DLG2: variants seen among roughly 807,000 people sequenced by gnomAD.
DLG2 encodes disks large homolog 2.
A neutral mutation model predicts 132.5 loss-of-function variants in DLG2; 45 were observed. The ratio of observed to expected loss-of-function variants is 0.34; its 90% CI spans 0.27 to 0.44. The LOEUF (loss-of-function observed/expected upper bound fraction) is 0.44, where lower values mean the gene tolerates loss of function less well. Among genes scored for constraint, DLG2 ranks in the 20% least tolerant of loss-of-function variants. The pLI is 1.00. For synonymous variants in DLG2, 424 were observed against 419.6 expected, an observed-to-expected ratio of 1.01 and a Z score of -0.13; for missense variants, 1,045 against 1,196.9, an observed-to-expected ratio of 0.87 and a Z score of 1.87.
chr11:84,540,859 C>A (rs1444334412), intron 6 of DLG2, among the ~76,000 whole-genome samples: 1 of 152,054 alleles, frequency 6.6e-6, no homozygotes, highest in African/African-American at 2.4e-5. Context: ...TACTATGCAG[C>A]CATAAAAAAG....
chr11:84,045,522 C>A (rs1252704582), intron 11 of DLG2, among the ~76,000 whole-genome samples: 2 of 151,642 alleles, frequency 1.3e-5, no homozygotes, highest in African/African-American at 4.8e-5. Context: ...TTGTCTTATT[C>A]TTGACATGAA....
chr11:84,092,857 GA>G (rs1334156914), intron 10 of DLG2, among the ~76,000 whole-genome samples: 1 of 151,948 alleles, frequency 6.6e-6, no homozygotes, highest in African/African-American at 2.4e-5. Context: ...CCAACATGGT[GA>G]AACCCTGATT....
chr11:84,681,944 T>A (rs1279111019), intron 6 of DLG2, among the ~76,000 whole-genome samples: 1 of 152,110 alleles, frequency 6.6e-6, no homozygotes, highest in Non-Finnish European at 1.5e-5. Flanking sequence ...TCAGGCTGCT[T>A]GTACTCATAG....
At chr11:84,202,507 T>C (rs934346263) in intron 8 of DLG2, among the ~76,000 whole-genome samples, 13 of 152,034 alleles carry the variant, frequency 8.6e-5, no homozygotes, top group Non-Finnish European at 1.6e-4. Context: ...CCCAAAACTA[T>C]AAAAACCCTA....
At chr11:85,171,460 G>C (rs895820686) in intron 4 of DLG2, among the ~76,000 whole-genome samples, 1 of 152,186 alleles carries the variant, frequency 6.6e-6, no homozygotes, top group Non-Finnish European at 1.5e-5. Flanking sequence ...CCGAAGCAGA[G>C]AGCTGTGTGG....
At chr11:84,295,741 A>G in intron 7 of DLG2, among the ~76,000 whole-genome samples, 1 of 152,142 alleles carries the variant, frequency 6.6e-6, no homozygotes, top group East Asian at 1.9e-4. Flanking sequence ...TTTCTTCTGA[A>G]TTGTGAAATT....
At chr11:84,710,445 C>T (rs1402068567) in intron 6 of DLG2, among the ~76,000 whole-genome samples, 1 of 151,792 alleles carries the variant, frequency 6.6e-6, no homozygotes, top group Non-Finnish European at 1.5e-5. Context: ...AGACATGGCT[C>T]CAAGAGAAAA....
chr11:83,588,004 C>T (rs866746022), intron 19 of DLG2, among the ~76,000 whole-genome samples: 3 of 151,812 alleles, frequency 2.0e-5, no homozygotes, highest in Admixed American at 1.3e-4. Flanking sequence ...CCCACGGAGT[C>T]GCCTAGCACA....
At chr11:83,879,985 A>T (rs1020205933) in intron 15 of DLG2, among the ~76,000 whole-genome samples, 1 of 152,204 alleles carries the variant, frequency 6.6e-6, no homozygotes, top group Admixed American at 6.5e-5. Context: ...GGAAAACAAG[A>T]CATTTTGAGA....
At chr11:83,564,340 TG>T (rs908263879) in intron 19 of DLG2, among the ~76,000 whole-genome samples, 4 of 151,682 alleles carry the variant, frequency 2.6e-5, no homozygotes, top group Admixed American at 6.6e-5. Flanking sequence ...TGCACTGGAA[TG>T]GGGGGGGTCA....
At chr11:84,586,223 T>C (rs375917346) in intron 6 of DLG2, among the ~76,000 whole-genome samples, 2 of 152,158 alleles carry the variant, frequency 1.3e-5, no homozygotes, top group Admixed American at 1.3e-4. Flanking sequence ...CTATGTGTTC[T>C]GTTTCTGTTT....
chr11:84,235,286 T>C (rs576044774), intron 8 of DLG2, among the ~76,000 whole-genome samples: 1 of 152,312 alleles, frequency 6.6e-6, no homozygotes, highest in South Asian at 2.1e-4. Context: ...AGCCTGACCA[T>C]CTTGGGCACA....
chr11:84,143,881 T>C (rs2094959590), intron 9 of DLG2, among the ~76,000 whole-genome samples: 1 of 152,108 alleles, frequency 6.6e-6, no homozygotes, highest in Non-Finnish European at 1.5e-5. Context: ...ATAAACACGT[T>C]AGAAAATTAA....
At chr11:84,465,488 C>A (rs533542349) in intron 7 of DLG2, among the ~76,000 whole-genome samples, 1 of 151,274 alleles carries the variant, frequency 6.6e-6, no homozygotes, top group South Asian at 2.1e-4. Context: ...GCCATAGAGA[C>A]AATGATAGAG....
chr11:84,079,286 T>TTTG (rs752311975), intron 10 of DLG2, among the ~76,000 whole-genome samples: 30 of 151,424 alleles, frequency 2.0e-4, no homozygotes, highest in African/African-American at 1.9e-4. Flanking sequence ...TTGTTTTTTT[T>TTTG]TTTGTTTTTC....
intron 7 of DLG2, among the ~76,000 whole-genome samples, chr11:84,480,347 C>T (rs1027655851): frequency 4.6e-5 from 7 of 152,050 alleles, no homozygotes; most frequent in Non-Finnish European, 7.4e-5. Flanking sequence ...TAATCCCCCA[C>T]GTTTTAGGGA....
At chr11:84,828,794 TAAAA>T (rs1933128055) in intron 6 of DLG2, among the ~76,000 whole-genome samples, 1 of 151,810 alleles carries the variant, frequency 6.6e-6, no homozygotes, top group Non-Finnish European at 1.5e-5. Context: ...CTGAATGCTG[TAAAA>T]ATGCAGAATA....
chr11:84,647,998 T>C (rs1363296888), intron 6 of DLG2, among the ~76,000 whole-genome samples: 1 of 152,168 alleles, frequency 6.6e-6, no homozygotes, highest in Non-Finnish European at 1.5e-5. Flanking sequence ...AAGTAGGAAT[T>C]ATTAGCCCCT....
chr11:83,489,364 G>T, intron 21 of DLG2, among the ~76,000 whole-genome samples: 1 of 151,920 alleles, frequency 6.6e-6, no homozygotes, highest in East Asian at 1.9e-4. Flanking sequence ...ATATAAAATT[G>T]CAAGAAACCA....
Sources: allele counts gnomAD v4.1 joint callset (sites outside exome capture counted in the v4.1 genomes callset), GRCh38; gene constraint gnomAD v4.1.1; transcripts MANE v1.5; gene names NCBI Gene and HGNC (gene_info 2026-07-23, HGNC 2026-07-21).